Variants in FCRLB observed in about 807,000 individuals in gnomAD.
The protein encoded by FCRLB is Fc receptor-like B.
A neutral mutation model predicts 33.6 loss-of-function variants in FCRLB; 34 were observed. That is an observed-to-expected ratio of 1.01 (90% CI 0.77 to 1.35). FCRLB has a LOEUF of 1.35. Ranked by LOEUF, FCRLB falls within the 40% of genes most tolerant of loss-of-function variation. The pLI is 0.00. For synonymous variants in FCRLB, 280 were observed against 255.9 expected (o/e 1.09, Z -0.90); for missense variants, 560 against 580.2 (o/e 0.97, Z 0.36).
chr1:161,722,058 C>G lies in FCRLB; in HGVS notation c.-21+208C>G, dbSNP rs16857559. ...GAGGAAGAAGAAACACATTGCATTT[C>G]TATCCTTGACTGGGGAACTAGATGA... On this transcript the variant is annotated intron_variant, in intron 2 of 7. Transcript: ENST00000367948. Among the ~76,000 whole-genome samples the G allele has an allele frequency of 6.5e-3, 992 of 152,284 alleles. 12 individuals carry two copies. The highest frequency in any genetic ancestry group is 0.023 in the African/African-American group (936 of 41,552).
chr1:161,722,642 T>A lies in FCRLB; in HGVS notation c.-20-11T>A. The A allele has an allele frequency of 1.2e-6, 2 of 1,613,826 alleles. No homozygotes were observed. Among genetic ancestry groups the A allele is most frequent in the Non-Finnish European group, 1.7e-6 (2 of 1,179,754 alleles). ...CCCATCTCATGCCAGTGCATCTCCA[T>A]CCTTCTGCAGCTGCTGCAGTCAGAT... On this transcript the variant is annotated splice_polypyrimidine_tract_variant and intron_variant, in intron 2 of 7. Transcript: ENST00000367948.
Position 161,726,703 on chromosome 1 carries a change from A to G in FCRLB, c.575A>G (p.Glu192Gly). Residue 192 changes from glutamate to glycine, a missense_variant and splice_region_variant, in exon 7 of 8, where the codon GAG becomes GGG. Glu to Gly is a moderately conservative substitution (Grantham distance 98). Transcript: ENST00000367948. This position sits in a 1 kb window ranked among gnomAD's most constrained non-coding sequence, Gnocchi z 5.2. Reference sequence around the variant, plus strand: ...CCGTTGCTCCCCGCCCTCTCCGTAGAGCTGTTCCGGGCGCCGGTGCTGAGG... The same window carrying G: ...CCGTTGCTCCCCGCCCTCTCCGTAGGGCTGTTCCGGGCGCCGGTGCTGAGG... 6.3e-7 allele frequency: 1 copy of G among 1,590,732 alleles called. No homozygotes were observed. Among genetic ancestry groups the G allele is most frequent in the Non-Finnish European group, 8.5e-7 (1 of 1,174,186 alleles).
chr1:161,725,698 T>A, intron 5 of FCRLB, 123 bp from the exon 6 acceptor site: 1 of 1,136,050 alleles, frequency 8.8e-7, no homozygotes, highest in Non-Finnish European at 1.2e-6. Context: ...AAGAAAGCGG[T>A]GGGAGATGGC....
At chr1:161,723,144 A>G in intron 4 of FCRLB, 135 bp downstream of exon 4, 2 of 1,259,030 alleles carry the variant, frequency 1.6e-6, no homozygotes, top group Non-Finnish European at 2.3e-6. Context: ...AACCCCTGGG[A>G]CTAAATTTGC....
rs1485377010 is a variant in FCRLB at position 161,726,106 on chromosome 1, C to T, written c.574+19C>T. 1.2e-6 allele frequency: 2 copies of T among 1,604,842 alleles called. No homozygotes were observed. The highest frequency in any genetic ancestry group is 1.3e-5 in the African/African-American group (1 of 74,650). ...GTGCAAGGTGGGAGAGACCAGGGGCCCCGGGAGGGAGGCAAATGAGCATTG... is the reference window on the plus strand; with the variant it reads ...GTGCAAGGTGGGAGAGACCAGGGGCTCCGGGAGGGAGGCAAATGAGCATTG... On this transcript the variant is annotated intron_variant, in intron 6 of 7. Transcript: ENST00000367948. The surrounding 1 kb of genome is among the most constrained non-coding windows in gnomAD (Gnocchi z 5.2).
chr1:161,727,836 C>A, exon 8 of FCRLB: 2 of 693,596 alleles, frequency 2.9e-6, no homozygotes, highest in African/African-American at 1.8e-5. Flanking sequence ...CAGTTTGTAA[C>A]CGCAAGCATT....
At chr1:161,725,920 A>G (rs1295893688) in exon 6 of FCRLB, 3 of 1,614,094 alleles carry the variant, frequency 1.9e-6, no homozygotes, top group East Asian at 2.2e-5. Flanking sequence ...TACAAGCTTC[A>G]CTACTACCAC....
In FCRLB at chr1:161,725,838, G is replaced by C. The variant is rs751150943; in HGVS notation, c.325G>C (p.Val109Leu). 5.1e-5 allele frequency: 82 copies of C among 1,609,512 alleles called. No homozygotes were observed. The East Asian group carries it at 1.8e-3, about 36-fold the overall frequency. Residue 109 changes from valine (V) to leucine (L), a missense_variant, in exon 6 of 8, where the codon GTG (valine) becomes CTG (leucine). Coordinates refer to ENST00000367948, the Ensembl canonical transcript of FCRLB. The stretch of plus-strand genomic sequence containing the variant: ...TGTCGCAGATTGGCTGATTCTGCAA[G>C]TGCCCTATGCGCCAGTGTTCGAGGG...
At chr1:161,727,462 G>C (rs1292351619) in exon 8 of FCRLB, 1 of 1,614,164 alleles carries the variant, frequency 6.2e-7, no homozygotes, top group Non-Finnish European at 8.5e-7. Context: ...GACGCCCTTG[G>C]AACAATCGGC....
chr1:161,726,381 G>A lies in FCRLB; in HGVS notation c.574+294G>A, dbSNP rs1279501052. 1.4e-6 allele frequency: 1 copy of A among 723,192 alleles called. No individual in the cohort carries two copies. The highest frequency in any genetic ancestry group is 2.3e-4 in the Middle Eastern group (1 of 4,384). The allele number at this position is 723,192 out of a possible 1,614,324, so 44.8% of individuals were successfully genotyped here. A position where few individuals can be genotyped will look rare whatever the true frequency, so the allele number is the denominator to read the frequency against. On this transcript the variant is annotated intron_variant, in intron 6 of 7. Transcript: ENST00000367948. This position sits in a 1 kb window ranked among gnomAD's most constrained non-coding sequence, Gnocchi z 5.2. The stretch of plus-strand genomic sequence containing the variant: ...GGGGCCACTGTGGGACTGGGACGAA[G>A]GAGCGACTCCCTAGCGTCCTGCAAG...
At chr1:161,725,669 A>T (rs1683515586) in intron 5 of FCRLB, 152 bp from the exon 6 acceptor site, 4 of 1,020,618 alleles carry the variant, frequency 3.9e-6, no homozygotes, top group Non-Finnish European at 5.6e-6. Context: ...CAAGAAAAAA[A>T]GAAAGAAAAA....
intron 5 of FCRLB, among the ~76,000 whole-genome samples, chr1:161,723,970 A>C (rs2101675398): frequency 6.6e-6 from 1 of 152,274 alleles, no homozygotes; most frequent in Non-Finnish European, 1.5e-5. Context: ...AAGGAAATTC[A>C]CCAAACAGGA....
At chr1:161,723,410 C>T in exon 5 of FCRLB, 5 of 1,614,214 alleles carry the variant, frequency 3.1e-6, no homozygotes, top group Non-Finnish European at 3.4e-6. Flanking sequence ...CACCTTGGAC[C>T]ACCATCTTCA....
rs747627240 is a variant in FCRLB, at chr1:161,726,385, C to T, written c.574+298C>T. On this transcript the variant is annotated intron_variant, in intron 6 of 7. Transcript: ENST00000367948. The surrounding 1 kb of genome is among the most constrained non-coding windows in gnomAD (Gnocchi z 5.2). ...CCACTGTGGGACTGGGACGAAGGAG[C>T]GACTCCCTAGCGTCCTGCAAGGCAG... 1.4e-6 allele frequency: 1 copy of T among 720,836 alleles called. No individual in the cohort carries two copies. Among genetic ancestry groups the T allele is most frequent in the Middle Eastern group, 2.3e-4 (1 of 4,386 alleles). The allele number at this position is 720,836 out of a possible 1,614,324, so 44.7% of individuals were successfully genotyped here.
At chr1:161,723,146 T>A in intron 4 of FCRLB, 137 bp downstream of exon 4, 2 of 1,245,652 alleles carry the variant, frequency 1.6e-6, no homozygotes, top group Admixed American at 1.9e-5. Context: ...CCCCTGGGAC[T>A]AAATTTGCTT....
At chr1:161,727,758 G>A (rs1683651744) in exon 8 of FCRLB, 2 of 1,417,074 alleles carry the variant, frequency 1.4e-6, no homozygotes, top group South Asian at 3.0e-5. Context: ...TTGCATCCTT[G>A]TGTTTTGCTG....
At chr1:161,727,163 G>A in intron 7 of FCRLB, 84 bp from the exon 8 acceptor site, 1 of 458,878 alleles carries the variant, frequency 2.2e-6, no homozygotes, top group Non-Finnish European at 3.2e-6. Context: ...CCCCATCCCC[G>A]CCCACCGCCC....
chr1:161,726,591 C>T lies in FCRLB; in HGVS notation c.575-112C>T. 1 of 1,431,426 alleles carries T rather than the reference C, an allele frequency of 7.0e-7. No homozygotes were observed. Among genetic ancestry groups the T allele is most frequent in the East Asian group, 2.5e-5 (1 of 40,394 alleles). 88.7% of individuals were successfully genotyped at this position (1,431,426 alleles called of 1,614,324 possible). ...CCTCCACGTGGACACACGGCCTCCT[C>T]CCCTCCCCCCTTGGTCTGTGGGTCT... is the stretch of plus-strand genomic sequence containing the variant. On this transcript the variant is annotated intron_variant, in intron 6 of 7. Coordinates refer to ENST00000367948, the Ensembl canonical transcript of FCRLB. The surrounding 1 kb of genome is among the most constrained non-coding windows in gnomAD (Gnocchi z 5.2).
intron 5 of FCRLB, 49 bp from the exon 6 acceptor site, chr1:161,725,772 A>G (rs1187536152): frequency 1.3e-6 from 2 of 1,548,406 alleles, no homozygotes; most frequent in East Asian, 4.5e-5. Flanking sequence ...GGAGATCTCC[A>G]GGGCTGGACT....
Sources: allele counts gnomAD v4.1 joint callset (sites outside exome capture counted in the v4.1 genomes callset), GRCh38; gene constraint gnomAD v4.1.1; non-coding constraint Gnocchi (gnomAD v3.1); transcripts MANE v1.5; gene names NCBI Gene and HGNC (gene_info 2026-07-23, HGNC 2026-07-21).